Variants in GAB4 observed in about 807,000 individuals in gnomAD.
The protein encoded by GAB4 is GRB2-associated-binding protein 4.
A neutral mutation model predicts 51.3 loss-of-function variants in GAB4; 26 were observed. That is an observed-to-expected ratio of 0.51 (90% CI 0.37 to 0.70). The LOEUF (loss-of-function observed/expected upper bound fraction) is 0.70. GAB4 is among the 30% of genes least tolerant of loss of function. The probability of loss-of-function intolerance (pLI) is 0.00; values close to 1 mark genes in which losing one functional copy is unlikely to be tolerated. For synonymous variants in GAB4, 329 were observed against 291.2 expected (o/e 1.13, Z -1.32); for missense variants, 759 against 734.6 (o/e 1.03, Z -0.38).
intron 3 of GAB4, among the ~76,000 whole-genome samples, chr22:16,972,150 A>G (rs567710272): frequency 6.6e-6 from 1 of 152,370 alleles, no homozygotes; most frequent in East Asian, 1.9e-4. Context: ...CATCTGGGCC[A>G]GGCACAGTGG....
chr22:16,988,327 C>A (rs2060886202), intron 2 of GAB4, among the ~76,000 whole-genome samples, 160 bp from the exon 3 acceptor site: 1 of 152,214 alleles, frequency 6.6e-6, no homozygotes, highest in South Asian at 2.1e-4. Flanking sequence ...TCCTGGCTAT[C>A]CTGGCTGAGG....
At chr22:16,980,635 GA>G (rs2060819506) in intron 3 of GAB4, among the ~76,000 whole-genome samples, 2 of 152,180 alleles carry the variant, frequency 1.3e-5, no homozygotes, top group Non-Finnish European at 2.9e-5. Context: ...AATACCATTT[GA>G]CCCAGCAATC....
chr22:16,986,865 G>T (rs548008630), intron 3 of GAB4, among the ~76,000 whole-genome samples: 19 of 152,346 alleles, frequency 1.2e-4, no homozygotes, highest in African/African-American at 4.6e-4. Flanking sequence ...CTAGCCTTCA[G>T]ATTGAGTGCT....
chr22:16,979,522 CACAA>C (rs1271283102), intron 3 of GAB4, among the ~76,000 whole-genome samples: 1 of 152,114 alleles, frequency 6.6e-6, no homozygotes, highest in Non-Finnish European at 1.5e-5. Context: ...TAAGAGAGGA[CACAA>C]ACAAATGGAA....
chr22:16,964,688 TA>T, intron 8 of GAB4, 77 bp downstream of exon 8: 1 of 1,037,520 alleles, frequency 9.6e-7, no homozygotes, highest in South Asian at 1.5e-5. Flanking sequence ...CTGAGGTAGC[TA>T]AGCTGGGAAG....
chr22:16,991,724 G>A, intron 2 of GAB4, 149 bp downstream of exon 2: 1 of 685,390 alleles, frequency 1.5e-6, no homozygotes, highest in East Asian at 2.5e-5. Context: ...TGGTATCGAG[G>A]TGTCTGAAGA....
At chr22:16,988,446 T>C (rs970078107) in intron 2 of GAB4, among the ~76,000 whole-genome samples, 1 of 151,906 alleles carries the variant, frequency 6.6e-6, no homozygotes, top group Non-Finnish European at 1.5e-5. Flanking sequence ...AGTCCAGGAG[T>C]GTGGTCCGGG....
chr22:16,974,414 G>T lies in GAB4; in HGVS notation c.687-4221C>A, dbSNP rs565402954. Among the ~76,000 whole-genome samples the T allele has an allele frequency of 2.0e-5, 3 of 152,324 alleles. No homozygotes were observed. In the South Asian group the frequency reaches 6.2e-4, roughly 32 times the overall value. ...GCAGAAATGGCCAAGTTGGTACAGG[G>T]AGACACTAAAGCACTAGTGTGCAGG... On this transcript the variant is annotated intron_variant, in intron 3 of 9. Coordinates refer to ENST00000400588, the MANE Select transcript of GAB4 (RefSeq NM_001037814.1).
Position 16,966,212 on chromosome 22 carries a change from G to C in GAB4, c.1176C>G (p.Arg392=), listed in dbSNP as rs769924530. 8.1e-6 allele frequency: 13 copies of C among 1,613,970 alleles called. No individual in the cohort carries two copies. The highest frequency in any genetic ancestry group is 1.1e-5 in the Non-Finnish European group (13 of 1,180,032). ...TGAGTGGGGAGCCAAGCAGGTCAAA[G>C]CGAACAAGACATGAGCCCACAGGGA... ...VCIPVGSCLV[R]FDLLGSPLTE... The change falls in exon 6 of 10, where the codon CGC becomes CGG. Residue 392 remains arginine, a synonymous_variant. Transcript: ENST00000400588.
At position 16,992,019 on chromosome 22, in the gene GAB4, T is replaced by C. The variant is rs771480138; in HGVS notation, c.332A>G (p.Asn111Ser). 29 of 1,614,216 alleles carry C rather than the reference T, an allele frequency of 1.8e-5. No individual in the cohort carries two copies. The highest frequency in any genetic ancestry group is 2.5e-5 in the Non-Finnish European group (29 of 1,180,038). Residue 111 changes from asparagine (N) to serine (S), a missense_variant, in exon 2 of 10, where the codon AAC becomes AGC. Coordinates refer to ENST00000400588, the MANE Select transcript of GAB4 (RefSeq NM_001037814.1). The part of the protein sequence containing the change: ...QLDVDVTLNF[N>S]KKEIQKGYMF... ...ATAGCCCTTCTGAATCTCCTTCTTG[T>C]TGAAGTTCAGAGTCACATCAACATC...
intron 3 of GAB4, among the ~76,000 whole-genome samples, chr22:16,978,212 A>G (rs1442495345): frequency 6.6e-6 from 1 of 152,230 alleles, no homozygotes; most frequent in Non-Finnish European, 1.5e-5. Flanking sequence ...AGAGACACAA[A>G]AAAACCTTCA....
chr22:16,996,789 C>G (rs1195026647), intron 1 of GAB4, among the ~76,000 whole-genome samples: 1 of 150,470 alleles, frequency 6.6e-6, no homozygotes, highest in African/African-American at 2.5e-5. Flanking sequence ...TTATGTGTAT[C>G]TCCTAATGAT....
chr22:17,001,908 C>G (rs1193368565), intron 1 of GAB4, among the ~76,000 whole-genome samples: 2 of 152,220 alleles, frequency 1.3e-5, no homozygotes, highest in Non-Finnish European at 2.9e-5. Flanking sequence ...AGTTTGATCT[C>G]AGACTGCTGT....
At chr22:16,999,104 T>C (rs1313208890) in intron 1 of GAB4, among the ~76,000 whole-genome samples, 1 of 152,246 alleles carries the variant, frequency 6.6e-6, no homozygotes, top group Non-Finnish European at 1.5e-5. Flanking sequence ...AAATTCTCTT[T>C]TTTTGTTGTG....
chr22:17,004,623 A>G (rs569144406), intron 1 of GAB4, among the ~76,000 whole-genome samples: 1 of 152,348 alleles, frequency 6.6e-6, no homozygotes, highest in African/African-American at 2.4e-5. Flanking sequence ...ATAAAATTCA[A>G]CACCCCGTTC....
intron 1 of GAB4, among the ~76,000 whole-genome samples, chr22:16,995,730 A>T (rs2060944962): frequency 6.6e-6 from 1 of 152,226 alleles, no homozygotes; most frequent in Admixed American, 6.5e-5. Flanking sequence ...GCCTGTCAGA[A>T]GGAAAACTAA....
chr22:16,997,273 C>A (rs1258594704), intron 1 of GAB4, among the ~76,000 whole-genome samples: 1 of 152,134 alleles, frequency 6.6e-6, no homozygotes, highest in Non-Finnish European at 1.5e-5. Flanking sequence ...GTGTAAAAGC[C>A]TTCCTATTTC....
At chr22:16,984,205 A>G (rs975952072) in intron 3 of GAB4, among the ~76,000 whole-genome samples, 1 of 152,216 alleles carries the variant, frequency 6.6e-6, no homozygotes, top group African/African-American at 2.4e-5. Flanking sequence ...TGAAAAAATT[A>G]TCAACATCAC....
At chr22:17,000,834 G>A (rs1379225034) in intron 1 of GAB4, among the ~76,000 whole-genome samples, 1 of 152,160 alleles carries the variant, frequency 6.6e-6, no homozygotes, top group African/African-American at 2.4e-5. Flanking sequence ...GGAAGGCCTG[G>A]TGGTGACAAA....
Sources: gnomAD v4.1 joint callset for allele counts (sites outside exome capture counted in the v4.1 genomes callset) on GRCh38, gnomAD v4.1.1 for gene constraint, MANE v1.5 for transcripts, NCBI Gene and HGNC (gene_info 2026-07-23, HGNC 2026-07-21) for gene names.